The following GFI1 variants were observed in gnomAD, a reference collection of about 807,000 sequenced individuals.
GFI1 encodes the protein zinc finger protein Gfi-1.
In GFI1, 15 loss-of-function variants were observed where a neutral mutation model predicts 39.2. The observed-to-expected ratio is 0.38, with a 90% CI of 0.26 to 0.59. The LOEUF is 0.59. GFI1 is among the 20% of genes least tolerant of loss of function. GFI1 has a pLI of 0.62. For synonymous variants in GFI1, 239 were observed against 254.3 expected (o/e 0.94, Z 0.57); for missense variants, 475 against 574.0 (o/e 0.83, Z 1.76).
chr1:92,478,511 T>C (rs1482006937), intron 6 of GFI1, 77 bp downstream of exon 6: 1 of 1,300,716 alleles, frequency 7.7e-7, no homozygotes, highest in East Asian at 2.3e-5. Flanking sequence ...CACCACTCAC[T>C]GGGGCCAGAA....
At position 92,473,168 on chromosome 1, in the gene GFI1, AT is replaced by A. The variant is rs1309365863; in HGVS notation, c.*2860del. Among the ~76,000 whole-genome samples, 1 of 140,986 alleles carries A rather than the reference AT, an allele frequency of 7.1e-6. No individual in the cohort carries two copies. The highest frequency in any genetic ancestry group is 1.5e-5 in the Non-Finnish European group (1 of 64,996). 92.5% of individuals were successfully genotyped at this position (140,986 alleles called of 152,430 possible). On this transcript the variant is annotated 3_prime_UTR_variant, in exon 7 of 7. Transcript: ENST00000294702. ...TTCTGAACTGGGGATATCAAGATAC[AT>A]TTTTTACCAAAAAAAAAAAAAAAAG...
chr1:92,478,176 T>C (rs1021558294), intron 6 of GFI1, among the ~76,000 whole-genome samples: 13 of 152,034 alleles, frequency 8.6e-5, no homozygotes, highest in African/African-American at 2.9e-4. Flanking sequence ...AGCCGGAGAG[T>C]CCACACGAGT....
intron 1 of GFI1, among the ~76,000 whole-genome samples, chr1:92,485,320 C>T (rs376058551): frequency 6.6e-6 from 1 of 152,238 alleles, no homozygotes; most frequent in East Asian, 1.9e-4. Context: ...AGCCACGAAA[C>T]TCGGAAGAAA....
In GFI1 at chr1:92,483,454, C is replaced by T; in HGVS notation, c.34G>A (p.Ala12Thr). ...PRSFLVKSKK[A>T]HSYHQPRSPG... ...GAGCGCGGCTGGTGGTAGCTGTGAG[C>T]CTTCTTGCTTTTGACGAGAAATGAG... Residue 12 changes from alanine to threonine, a missense_variant, in exon 2 of 7, where the codon GCT (alanine) becomes ACT (threonine). By Grantham distance (58) the Ala-to-Thr change is moderately conservative. Coordinates refer to ENST00000294702, the MANE Select transcript of GFI1 (RefSeq NM_005263.5). 4 of 1,612,174 alleles carry T rather than the reference C, an allele frequency of 2.5e-6. No individual in the cohort carries two copies. Among genetic ancestry groups the T allele is most frequent in the Non-Finnish European group, 3.4e-6 (4 of 1,178,374 alleles).
At chr1:92,478,445 C>T (rs1658061453) in intron 6 of GFI1, 143 bp downstream of exon 6, 2 of 740,030 alleles carry the variant, frequency 2.7e-6, no homozygotes, top group African/African-American at 3.5e-5. Flanking sequence ...AAAGAACCCA[C>T]CCCTTTGTTT....
At position 92,482,892 on chromosome 1, in the gene GFI1, C is replaced by T. The variant is rs748265286; in HGVS notation, c.270G>A (p.Trp90Ter). 2 of 1,613,986 alleles carry T rather than the reference C, an allele frequency of 1.2e-6. No individual in the cohort carries two copies. Among genetic ancestry groups the T allele is most frequent in the Non-Finnish European group, 1.7e-6 (2 of 1,180,006 alleles). ...GAGACGCGGAGGGTGACGGGGGCCT[C>T]CAGAAGTCCTCAAACTCCGAGCTCC... ...CERSSEFEDF[W>*]RPPSPSASPA... Residue 90 changes from tryptophan (W) to a stop codon, truncating the protein, a stop_gained, in exon 3 of 7, where the codon TGG becomes TGA. Coordinates refer to ENST00000294702, the MANE Select transcript of GFI1 (RefSeq NM_005263.5). LOFTEE classifies it high-confidence loss of function. The surrounding 1 kb of genome is among the most constrained non-coding windows in gnomAD (Gnocchi z 4.4).
Position 92,486,387 on chromosome 1 carries a change from A to C in GFI1, c.-100+339T>G, listed in dbSNP as rs1237599452. On this transcript the variant is annotated intron_variant, in intron 1 of 6. Coordinates refer to ENST00000294702, the MANE Select transcript of GFI1 (RefSeq NM_005263.5). Reference sequence around the variant, plus strand: ...GGCACTAGAAATGACTTGAAAGAAAATGAACTATTCTTGGCTCCAGGGAGA... The same window carrying C: ...GGCACTAGAAATGACTTGAAAGAAACTGAACTATTCTTGGCTCCAGGGAGA... Among the ~76,000 whole-genome samples the C allele has an allele frequency of 3.9e-5, 6 of 152,284 alleles. No homozygotes were observed. In the South Asian group the frequency reaches 1.2e-3, roughly 32 times the overall value.
In GFI1 at chr1:92,475,526, C is replaced by A. The variant is rs1403107608; in HGVS notation, c.*503G>T. On this transcript the variant is annotated 3_prime_UTR_variant, in exon 7 of 7. Transcript: ENST00000294702. ...ACCCAAAAGAAAGGAGTCAACAGAC[C>A]CCCCAGAAGGAAAAAAATAAAAGTT... 1.7e-5 allele frequency: 3 copies of A among 172,114 alleles called. No individual in the cohort carries two copies. Among genetic ancestry groups the A allele is most frequent in the Non-Finnish European group, 3.8e-5 (3 of 79,252 alleles). The allele number at this position is 172,114 out of a possible 1,614,324, so 10.7% of individuals were successfully genotyped here. A position where few individuals can be genotyped will look rare whatever the true frequency, so the allele number is the denominator to read the frequency against.
chr1:92,477,904 G>C (rs960901028), intron 6 of GFI1, among the ~76,000 whole-genome samples: 2 of 152,156 alleles, frequency 1.3e-5, no homozygotes, highest in African/African-American at 4.8e-5. Flanking sequence ...ATAAACAGTG[G>C]TCAAGAGTGA....
rs1031862150 is a variant in GFI1 at position 92,482,105 on chromosome 1, C to T, written c.298+759G>A. 6.6e-6 allele frequency among the ~76,000 whole-genome samples: 1 copy of T among 152,164 alleles called. No homozygotes were observed. Among genetic ancestry groups the T allele is most frequent in the Non-Finnish European group, 1.5e-5 (1 of 68,034 alleles). ...CGCCGCCGGCTCCCAGACACACTTGCTGGAGCTATGGTTTTCGCCAAGTCA... is the reference window on the plus strand; with the variant it reads ...CGCCGCCGGCTCCCAGACACACTTGTTGGAGCTATGGTTTTCGCCAAGTCA... On this transcript the variant is annotated intron_variant, in intron 3 of 6. Transcript: ENST00000294702. This position sits in a 1 kb window ranked among gnomAD's most constrained non-coding sequence, Gnocchi z 4.4.
rs1382624129 is a variant in GFI1, at chr1:92,486,723, T to C, written c.-100+3A>G. On this transcript the variant is annotated splice_donor_region_variant and intron_variant, in intron 1 of 6. Transcript: ENST00000294702. ...TAAATACGCCCAACGAGGCTGAAAA[T>C]ACCTTGACACCCAATCCGAGAGGTT... is the stretch of plus-strand genomic sequence containing the variant. 2 of 152,100 alleles carry C rather than the reference T, an allele frequency of 1.3e-5. No individual in the cohort carries two copies. The highest frequency in any genetic ancestry group is 1.5e-5 in the Non-Finnish European group (1 of 67,996). The allele number at this position is 152,100 out of a possible 1,614,324, so 9.4% of individuals were successfully genotyped here. A position where few individuals can be genotyped will look rare whatever the true frequency, so the allele number is the denominator to read the frequency against.
At chr1:92,477,254 G>T (rs1658019668) in intron 6 of GFI1, among the ~76,000 whole-genome samples, 1 of 152,178 alleles carries the variant, frequency 6.6e-6, no homozygotes, top group African/African-American at 2.4e-5. Context: ...GTAAATGTTT[G>T]ATAAGGGCTT....
At position 92,481,268 on chromosome 1, in the gene GFI1, C is replaced by G. The variant is rs1439277881; in HGVS notation, c.299-180G>C. ...AAACGTGGCCCGGGCCCTGGGGCCT[C>G]GCAGGCCACTATAGGAGGCAGAACA... On this transcript the variant is annotated intron_variant, in intron 3 of 6. Coordinates refer to ENST00000294702, the MANE Select transcript of GFI1 (RefSeq NM_005263.5). The surrounding 1 kb of genome is among the most constrained non-coding windows in gnomAD (Gnocchi z 4.3). 6.6e-6 allele frequency among the ~76,000 whole-genome samples: 1 copy of G among 152,180 alleles called. No homozygotes were observed. The highest frequency in any genetic ancestry group is 1.5e-5 in the Non-Finnish European group (1 of 68,024).
At chr1:92,483,633 G>T (rs1433072227) in intron 1 of GFI1, 47 bp from the exon 2 acceptor site, 3 of 689,374 alleles carry the variant, frequency 4.4e-6, no homozygotes. Context: ...AGTACTCTCC[G>T]GTGCGGCGGA....
At position 92,478,655 on chromosome 1, in the gene GFI1, G is replaced by A. The variant is rs1279822638; in HGVS notation, c.1023C>T (p.Pro341=). Residue 341 remains proline, a synonymous_variant, in exon 6 of 7, where the codon CCC becomes CCT. Coordinates refer to ENST00000294702, the MANE Select transcript of GFI1 (RefSeq NM_005263.5). ...LLIHSDTRPY[P]CQYCGKRFHQ... ...GGAACCTCTTGCCACAGTACTGACAGGGGTAGGGCCGAGTGTCTGAGTGGA... is the reference window on the plus strand; with the variant it reads ...GGAACCTCTTGCCACAGTACTGACAAGGGTAGGGCCGAGTGTCTGAGTGGA... 1.2e-6 allele frequency: 2 copies of A among 1,613,896 alleles called. No homozygotes were observed. Among genetic ancestry groups the A allele is most frequent in the African/African-American group, 1.3e-5 (1 of 74,864 alleles).
chr1:92,486,493 C>G (rs1340358568), intron 1 of GFI1, among the ~76,000 whole-genome samples: 4 of 150,140 alleles, frequency 2.7e-5, no homozygotes, highest in Admixed American at 2.0e-4. Context: ...GCTCCGAGGA[C>G]CCTCCCCGCC....
chr1:92,485,593 C>G (rs1290303987), intron 1 of GFI1, among the ~76,000 whole-genome samples: 2 of 152,272 alleles, frequency 1.3e-5, no homozygotes, highest in Non-Finnish European at 2.9e-5. Flanking sequence ...CTGGGCCGAG[C>G]GCGTGGGAAG....
chr1:92,478,676 G>C lies in GFI1; in HGVS notation c.1002C>G (p.His334Gln). 6.2e-7 allele frequency: 1 copy of C among 1,613,982 alleles called. No homozygotes were observed. The highest frequency in any genetic ancestry group is 2.2e-5 in the East Asian group (1 of 44,870). Residue 334 changes from histidine to glutamine, a missense_variant, in exon 6 of 7, where the codon CAC (histidine) becomes CAG (glutamine). By Grantham distance (24) the His-to-Gln change is conservative. Around this residue, in one of 4 missense-constraint regions of GFI1, gnomAD observed 112 missense variants for 202.8 expected, o/e 0.55. Transcript: ENST00000294702. ...SSTLSTHLLI[H>Q]SDTRPYPCQY... The stretch of plus-strand genomic sequence containing the variant: ...GACAGGGGTAGGGCCGAGTGTCTGA[G>C]TGGATAAGCAGGTGTGTGGACAGTG...
intron 6 of GFI1, among the ~76,000 whole-genome samples, chr1:92,478,034 G>A (rs1402797628): frequency 1.3e-5 from 2 of 152,124 alleles, no homozygotes; most frequent in African/African-American, 2.4e-5. Context: ...AGGAGTAGTC[G>A]CTACCTCTCA....
Sources: allele counts gnomAD v4.1 joint callset (sites outside exome capture counted in the v4.1 genomes callset), GRCh38; gene constraint gnomAD v4.1.1; regional missense constraint gnomAD v4.1.1; non-coding constraint Gnocchi (gnomAD v3.1); transcripts MANE v1.5; gene names NCBI Gene and HGNC (gene_info 2026-07-23, HGNC 2026-07-21).